Variants in PDE1A observed in about 807,000 individuals in gnomAD.
PDE1A encodes the protein dual specificity calcium/calmodulin-dependent 3',5'-cyclic nucleotide phosphodiesterase 1A.
A neutral mutation model predicts 61.7 loss-of-function variants in PDE1A; 35 were observed. The observed-to-expected ratio is 0.57, with a 90% CI of 0.43 to 0.75. The LOEUF (loss-of-function observed/expected upper bound fraction) is 0.75. Among genes scored for constraint, PDE1A ranks in the 30% least tolerant of loss-of-function variants. The pLI is 0.00. For synonymous variants in PDE1A, 232 were observed against 213.2 expected (o/e 1.09, Z -0.77); for missense variants, 597 against 630.6 (o/e 0.95, Z 0.57).
At chr2:182,481,344 C>T (rs10169102) in intron 2 of PDE1A, among the ~76,000 whole-genome samples, 98,212 of 151,638 alleles carry the variant, frequency 0.65, 32,779 homozygotes, top group East Asian at 0.95. Context: ...AGTGAACCTC[C>T]CTGTCATGGA....
chr2:182,387,766 A>AG (rs1352985434), intron 1 of PDE1A, among the ~76,000 whole-genome samples: 3 of 150,052 alleles, frequency 2.0e-5, no homozygotes, highest in Non-Finnish European at 2.9e-5. Context: ...TTAAAAAAAA[A>AG]AAAGAAAGAA....
chr2:182,274,191 G>T (rs1372204889), intron 1 of PDE1A, among the ~76,000 whole-genome samples: 14 of 152,058 alleles, frequency 9.2e-5, no homozygotes, highest in Admixed American at 9.2e-4. Flanking sequence ...CACCTTGGAA[G>T]GGTTAGAATT....
At chr2:182,375,606 G>A (rs1256635776) in intron 1 of PDE1A, among the ~76,000 whole-genome samples, 1 of 152,168 alleles carries the variant, frequency 6.6e-6, no homozygotes, top group Non-Finnish European at 1.5e-5. Context: ...GCTTTTCCAG[G>A]CACAAAGTGC....
chr2:182,254,971 G>A (rs1361960585), intron 2 of PDE1A, among the ~76,000 whole-genome samples: 1 of 152,180 alleles, frequency 6.6e-6, no homozygotes, highest in African/African-American at 2.4e-5. Flanking sequence ...GGATAAATAT[G>A]TTACCTAACT....
At chr2:182,426,584 A>G (rs371133275) in exon 1 of PDE1A, 53 of 1,608,004 alleles carry the variant, frequency 3.3e-5, no homozygotes, top group Non-Finnish European at 3.6e-5. Flanking sequence ...TTACCTAAAG[A>G]TGGGTCTTTG....
chr2:182,567,096 T>C, the PDE1A span, among the ~76,000 whole-genome samples: 2 of 152,242 alleles, frequency 1.3e-5, no homozygotes, highest in South Asian at 4.1e-4. Context: ...GCAGAACATT[T>C]TTGCTGCCAT....
At chr2:182,245,931 CCTGT>C (rs1690911419) in intron 2 of PDE1A, among the ~76,000 whole-genome samples, 1 of 152,298 alleles carries the variant, frequency 6.6e-6, no homozygotes, top group Admixed American at 6.5e-5. Context: ...TGTATTCCCA[CCTGT>C]AACGAATGAG....
intron 13 of PDE1A, among the ~76,000 whole-genome samples, chr2:182,169,924 A>G (rs890273146): frequency 6.0e-5 from 7 of 115,936 alleles, no homozygotes; most frequent in South Asian, 6.5e-4. Flanking sequence ...ACACACACGC[A>G]CACACACACA....
chr2:182,576,203 G>T, the PDE1A span, among the ~76,000 whole-genome samples: 1 of 151,992 alleles, frequency 6.6e-6, no homozygotes, highest in Non-Finnish European at 1.5e-5. Flanking sequence ...CTGCACCCAT[G>T]AATCCAAAAG....
At chr2:182,344,679 T>C (rs987278914) in intron 1 of PDE1A, among the ~76,000 whole-genome samples, 1 of 152,288 alleles carries the variant, frequency 6.6e-6, no homozygotes, top group Admixed American at 6.5e-5. Context: ...GTGTCTGTAC[T>C]AGGTTTTTGT....
intron 7 of PDE1A, among the ~76,000 whole-genome samples, chr2:182,212,334 A>T (rs895834847): frequency 5.3e-5 from 8 of 152,024 alleles, no homozygotes; most frequent in Non-Finnish European, 2.9e-5. Flanking sequence ...GTGTTACTTC[A>T]CAATTTACCA....
chr2:182,464,346 CA>C (rs1353404811), intron 2 of PDE1A, among the ~76,000 whole-genome samples: 1 of 151,976 alleles, frequency 6.6e-6, no homozygotes, highest in Non-Finnish European at 1.5e-5. Context: ...TTCCAAACTC[CA>C]AAAACAGCAG....
At position 182,214,468 on chromosome 2, in the gene PDE1A, G is replaced by A. The variant is rs560321112; in HGVS notation, c.777-8403C>T. Among the ~76,000 whole-genome samples, 371 of 151,904 alleles carry A rather than the reference G, an allele frequency of 2.4e-3. 2 individuals carry two copies. The highest frequency in any genetic ancestry group is 6.8e-3 in the Middle Eastern group (2 of 294). ...TGCTCCAATGAAAAGACACAGACTG[G>A]CAAATTGGATAAAGAGTCAAGACCC... On this transcript the variant is annotated intron_variant, in intron 7 of 13. Transcript: ENST00000351439.
At chr2:182,547,323 C>T in the PDE1A span, among the ~76,000 whole-genome samples, 1 of 152,064 alleles carries the variant, frequency 6.6e-6, no homozygotes, top group African/African-American at 2.4e-5. Context: ...CTGTCATCTC[C>T]TAAAATAAAT....
intron 2 of PDE1A, among the ~76,000 whole-genome samples, chr2:182,521,434 T>C (rs1352044197): frequency 6.6e-6 from 1 of 152,110 alleles, no homozygotes; most frequent in Non-Finnish European, 1.5e-5. Flanking sequence ...AAAATTCATA[T>C]TCATATTTCT....
Position 182,426,515 on chromosome 2 carries a change from G to T in PDE1A, c.53+63C>A, listed in dbSNP as rs1213657244. 2.6e-6 allele frequency: 3 copies of T among 1,151,680 alleles called. No individual in the cohort carries two copies. In the East Asian group the frequency reaches 7.0e-5, roughly 27 times the overall value. 71.3% of individuals were successfully genotyped at this position (1,151,680 alleles called of 1,614,324 possible). ...TTAGTGGCAGAATCCCCAAATTAAG[G>T]ATGAAGGGAGAAACTATTGTTCCTG... On this transcript the variant is annotated intron_variant, in intron 1 of 13. Transcript: ENST00000351439.
At chr2:182,416,625 CAT>C (rs1379494738) in intron 1 of PDE1A, among the ~76,000 whole-genome samples, 2 of 152,010 alleles carry the variant, frequency 1.3e-5, no homozygotes, top group African/African-American at 4.8e-5. Flanking sequence ...TTCCAGAAAA[CAT>C]AAATAAGAAA....
intron 2 of PDE1A, among the ~76,000 whole-genome samples, chr2:182,518,566 T>C (rs1690360423): frequency 1.3e-5 from 2 of 152,198 alleles, no homozygotes; most frequent in South Asian, 4.1e-4. Flanking sequence ...AGGAGGTATG[T>C]GTCGAGACGT....
chr2:182,190,740 G>A (rs934376978), intron 10 of PDE1A, among the ~76,000 whole-genome samples: 8 of 152,154 alleles, frequency 5.3e-5, no homozygotes, highest in South Asian at 4.2e-4. Flanking sequence ...GATGGATCAC[G>A]AAGTCAGGAG....
Sources: gnomAD v4.1 joint callset for allele counts (sites outside exome capture counted in the v4.1 genomes callset) on GRCh38, gnomAD v4.1.1 for gene constraint, MANE v1.5 for transcripts, NCBI Gene and HGNC (gene_info 2026-07-23, HGNC 2026-07-21) for gene names.